The following EIF3E variants were observed in gnomAD, a reference collection of about 807,000 sequenced individuals.
The protein encoded by EIF3E is eukaryotic translation initiation factor 3 subunit E, also known as eIF-3 p48.
EIF3E carries 25 observed loss-of-function variants against 59.3 expected under a neutral mutation model. That is an observed-to-expected ratio of 0.42 (90% confidence interval 0.31 to 0.59). The LOEUF is 0.59. Among genes scored for constraint, EIF3E ranks in the 20% least tolerant of loss-of-function variants. The probability of loss-of-function intolerance (pLI) is 0.15; values close to 1 mark genes in which losing one functional copy is unlikely to be tolerated. For missense variants in EIF3E, 317 were observed against 534.3 expected (o/e 0.59, Z 4.01); for synonymous variants, 176 against 170.2 (o/e 1.03, Z -0.26).
Position 108,201,783 on chromosome 8 carries a change from C to A in EIF3E, c.*102G>T, listed in dbSNP as rs1471590282. ...TTATTCCAATTCTTCAAAATTTATA[C>A]GTAATATGTTGTTTCCAAAATGTAA... On this transcript the variant is annotated 3_prime_UTR_variant, in exon 13 of 13. Transcript: ENST00000220849. 1 of 943,198 alleles carries A rather than the reference C, an allele frequency of 1.1e-6. No homozygotes were observed. Among genetic ancestry groups the A allele is most frequent in the Non-Finnish European group, 1.4e-6 (1 of 692,144 alleles). The allele number at this position is 943,198 out of a possible 1,614,324, so 58.4% of individuals were successfully genotyped here.
chr8:108,213,795 T>C (rs1815253517), intron 10 of EIF3E, among the ~76,000 whole-genome samples: 3 of 152,188 alleles, frequency 2.0e-5, no homozygotes, highest in African/African-American at 2.4e-5. Context: ...TCAATTCCCA[T>C]AGGAAAAATC....
At chr8:108,206,802 C>T (rs1666765157) in intron 10 of EIF3E, among the ~76,000 whole-genome samples, 1 of 152,030 alleles carries the variant, frequency 6.6e-6, no homozygotes, top group Admixed American at 6.6e-5. Context: ...GATCCTGTGT[C>T]TTTATAAAAA....
At chr8:108,203,147 A>G (rs765221183) in intron 11 of EIF3E, 30 bp from the exon 12 acceptor site, 22 of 1,600,784 alleles carry the variant, frequency 1.4e-5, no homozygotes, top group South Asian at 9.1e-5. Context: ...AATTGATCCT[A>G]TAATGTTAAT....
intron 10 of EIF3E, among the ~76,000 whole-genome samples, chr8:108,212,321 C>T (rs1045583337): frequency 6.6e-6 from 1 of 152,166 alleles, no homozygotes; most frequent in African/African-American, 2.4e-5. Context: ...AACCATACTT[C>T]AAGATCTTGA....
chr8:108,235,179 G>T, intron 4 of EIF3E, 77 bp from the exon 5 acceptor site: 1 of 827,082 alleles, frequency 1.2e-6, no homozygotes, highest in Non-Finnish European at 1.8e-6. Flanking sequence ...AAGTCTTTGA[G>T]GTCAAAACTA....
chr8:108,221,278 T>C (rs1323432802), intron 7 of EIF3E, among the ~76,000 whole-genome samples: 6 of 152,140 alleles, frequency 3.9e-5, no homozygotes, highest in African/African-American at 1.4e-4. Context: ...GCCTAAGTGA[T>C]AGGGCTATGG....
intron 10 of EIF3E, among the ~76,000 whole-genome samples, chr8:108,204,748 G>T (rs71506385): frequency 0.64 from 54,300 of 85,494 alleles, 16,680 homozygotes; most frequent in Non-Finnish European, 0.67. Context: ...TATATATATA[G>T]AGAGAGAGAG....
chr8:108,215,566 C>T (rs1227926873), intron 9 of EIF3E, among the ~76,000 whole-genome samples: 2 of 151,806 alleles, frequency 1.3e-5, no homozygotes, highest in Admixed American at 1.3e-4. Flanking sequence ...TGCAGTGAGC[C>T]GGGATCATGC....
At chr8:108,209,821 G>T (rs1406315146) in intron 10 of EIF3E, among the ~76,000 whole-genome samples, 1 of 152,124 alleles carries the variant, frequency 6.6e-6, no homozygotes, top group Non-Finnish European at 1.5e-5. Context: ...TTAAGGACAG[G>T]GTGGCAGGGA....
chr8:108,213,410 G>A (rs1815246504), intron 10 of EIF3E, among the ~76,000 whole-genome samples: 1 of 152,152 alleles, frequency 6.6e-6, no homozygotes, highest in South Asian at 2.1e-4. Context: ...AAGTTAGTAT[G>A]TTAGGTGCTA....
In EIF3E at chr8:108,201,730, A is replaced by C. The variant is rs1814998973; in HGVS notation, c.*155T>G. ...AACACAAACTTGCACATGCAAGAAAACTGACAGCAAGATAAAATGAATCAA... is the reference window on the plus strand; with the variant it reads ...AACACAAACTTGCACATGCAAGAAACCTGACAGCAAGATAAAATGAATCAA... On this transcript the variant is annotated 3_prime_UTR_variant, in exon 13 of 13. Transcript: ENST00000220849. 1 of 645,246 alleles carries C rather than the reference A, an allele frequency of 1.5e-6. No individual in the cohort carries two copies. Among genetic ancestry groups the C allele is most frequent in the Non-Finnish European group, 2.3e-6 (1 of 429,980 alleles). The allele number at this position is 645,246 out of a possible 1,614,324, so 40.0% of individuals were successfully genotyped here. A position where few individuals can be genotyped will look rare whatever the true frequency, so the allele number is the denominator to read the frequency against.
intron 5 of EIF3E, 21 bp downstream of exon 5, chr8:108,234,977 A>C (rs1244186614): frequency 2.2e-5 from 31 of 1,431,920 alleles, no homozygotes; most frequent in Admixed American, 4.5e-5. Context: ...AAAAAAAAAA[A>C]AAACATGTAC....
At chr8:108,245,768 A>C (rs1273778995) in intron 1 of EIF3E, among the ~76,000 whole-genome samples, 1 of 152,256 alleles carries the variant, frequency 6.6e-6, no homozygotes, top group Non-Finnish European at 1.5e-5. Context: ...ATCATTTATT[A>C]AACAATCATA....
Position 108,201,694 on chromosome 8 carries a change from A to G in EIF3E, c.*191T>C. 1 of 494,000 alleles carries G rather than the reference A, an allele frequency of 2.0e-6. No homozygotes were observed. The highest frequency in any genetic ancestry group is 3.4e-6 in the Non-Finnish European group (1 of 294,970). The allele number at this position is 494,000 out of a possible 1,614,324, so 30.6% of individuals were successfully genotyped here. Reference sequence around the variant, plus strand: ...TCTGAATATAATTATTCCAAAAAAGAAAGTTAAAAAAACACAAACTTGCAC... The same window carrying G: ...TCTGAATATAATTATTCCAAAAAAGGAAGTTAAAAAAACACAAACTTGCAC... On this transcript the variant is annotated 3_prime_UTR_variant, in exon 13 of 13. Coordinates refer to ENST00000220849, the MANE Select transcript of EIF3E (RefSeq NM_001568.3).
intron 5 of EIF3E, chr8:108,233,652 G>T: frequency 2.4e-6 from 1 of 410,262 alleles, no homozygotes; most frequent in South Asian, 1.7e-5. Flanking sequence ...GATCAGCCTG[G>T]GCAACATAGC....
chr8:108,226,319 G>C (rs555413104), intron 7 of EIF3E: 1 of 150,972 alleles, frequency 6.6e-6, no homozygotes, highest in African/African-American at 2.4e-5. Context: ...TCAGCCTTCT[G>C]AGTAGCTGGG....
chr8:108,228,967 ATTTT>A, intron 6 of EIF3E, 99 bp downstream of exon 6: 1 of 1,060,454 alleles, frequency 9.4e-7, no homozygotes, highest in African/African-American at 1.6e-5. Flanking sequence ...GCTAATATGA[ATTTT>A]TTTTTTTAAT....
At position 108,217,405 on chromosome 8, in the gene EIF3E, C is replaced by T; in HGVS notation, c.778G>A (p.Ala260Thr). The part of the protein sequence containing the change: ...CPHILRYLTT[A>T]VITNKDVRKR... ...CGAACATCCTTGTTTGTTATGACTGCTGTAGTCAAATAGCGAAGAATGTGT... is the reference window on the plus strand; with the variant it reads ...CGAACATCCTTGTTTGTTATGACTGTTGTAGTCAAATAGCGAAGAATGTGT... Residue 260 changes from alanine to threonine, a missense_variant, in exon 8 of 13, where the codon GCA (alanine) becomes ACA (threonine). By Grantham distance (58) the Ala-to-Thr change is moderately conservative. Transcript: ENST00000220849. The T allele has an allele frequency of 6.2e-7, 1 of 1,604,382 alleles. No individual in the cohort carries two copies. Among genetic ancestry groups the T allele is most frequent in the Non-Finnish European group, 8.5e-7 (1 of 1,175,578 alleles).
intron 4 of EIF3E, among the ~76,000 whole-genome samples, chr8:108,235,825 C>T (rs1327300794): frequency 6.6e-5 from 10 of 152,184 alleles, no homozygotes; most frequent in Non-Finnish European, 1.5e-4. Flanking sequence ...CTCGTTAATC[C>T]ATAAGAAAAG....
Sources: allele counts gnomAD v4.1 joint callset (sites outside exome capture counted in the v4.1 genomes callset), GRCh38; gene constraint gnomAD v4.1.1; transcripts MANE v1.5; gene names NCBI Gene and HGNC (gene_info 2026-07-23, HGNC 2026-07-21).